Variants in DIAPH2 observed in about 807,000 individuals in gnomAD.
DIAPH2 encodes the protein diaphanous related formin 2.
DIAPH2 carries 35 observed loss-of-function variants against 92.7 expected under a neutral mutation model. The observed-to-expected ratio is 0.38, with a 90% CI of 0.29 to 0.50. DIAPH2 has a LOEUF of 0.50. Ranked by LOEUF, DIAPH2 falls within the 20% of genes least tolerant of loss-of-function variation. The pLI, the probability that DIAPH2 is intolerant of heterozygous loss-of-function variation, is 0.94. For synonymous variants in DIAPH2, 301 were observed against 280.4 expected, an observed-to-expected ratio of 1.07 and a Z score of -0.73; for missense variants, 701 against 819.5, an observed-to-expected ratio of 0.86 and a Z score of 1.77.
intron 26 of DIAPH2, among the ~76,000 whole-genome samples, chrX:97,495,316 T>C (rs1286085474): frequency 8.9e-6 from 1 of 112,289 alleles, no homozygotes; most frequent in African/African-American, 3.2e-5. Flanking sequence ...GAACAAGAGA[T>C]GGAACTTTCT....
intron 16 of DIAPH2, among the ~76,000 whole-genome samples, chrX:96,960,422 A>T (rs1179900065): frequency 9.0e-6 from 1 of 110,925 alleles, no homozygotes; most frequent in South Asian, 3.8e-4. Flanking sequence ...TTGTTCAGCT[A>T]TAGAAACATT....
intron 26 of DIAPH2, among the ~76,000 whole-genome samples, chrX:97,460,747 T>G (rs2070451634): frequency 9.0e-6 from 1 of 111,025 alleles, no homozygotes; most frequent in South Asian, 3.8e-4. Context: ...TCCTTGTGGC[T>G]AAAAAAAATT....
chrX:96,801,543 A>G (rs1329058657), intron 4 of DIAPH2, among the ~76,000 whole-genome samples: 1 of 111,447 alleles, frequency 9.0e-6, no homozygotes, highest in Non-Finnish European at 1.9e-5. Flanking sequence ...ATAAAACATA[A>G]AGACTAACAG....
chrX:96,931,521 A>C (rs2147794207), intron 10 of DIAPH2, among the ~76,000 whole-genome samples: 1 of 110,962 alleles, frequency 9.0e-6, no homozygotes, highest in Admixed American at 9.7e-5. Flanking sequence ...AGACAAGTAA[A>C]ATTCTGCTAG....
At chrX:97,019,695 C>T (rs1330949000) in intron 17 of DIAPH2, among the ~76,000 whole-genome samples, 1 of 111,023 alleles carries the variant, frequency 9.0e-6, no homozygotes. Context: ...GAATAATCAT[C>T]CAAATAATTT....
chrX:97,033,590 A>G lies in DIAPH2; in HGVS notation c.2051-39351A>G, dbSNP rs770483237. ...AAGCAATAGAGAATGTCTAAATAGT[A>G]TAACAACATAAGTAAACACTTTCTT... On this transcript the variant is annotated intron_variant, in intron 17 of 26. Transcript: ENST00000324765. Among the ~76,000 whole-genome samples the G allele has an allele frequency of 1.1e-4, 12 of 112,251 alleles. No individual in the cohort carries two copies. In the East Asian group the frequency reaches 3.3e-3, roughly 31 times the overall value.
rs1023530409 is a variant in DIAPH2, at chrX:96,881,848, C to T, written c.587+130C>T. On this transcript the variant is annotated intron_variant, in intron 5 of 26. Coordinates refer to ENST00000324765, the MANE Select transcript of DIAPH2 (RefSeq NM_006729.5). ...TAAAAATCTGATGTTAATAAAACAG[C>T]AGCATCTGATTGTGAAGTCGTAAAC... 1.1e-5 allele frequency: 7 copies of T among 659,304 alleles called. No individual in the cohort carries two copies. The African/African-American group carries it at 1.6e-4, about 15-fold the overall frequency. The allele number at this position is 659,304 out of a possible 1,213,427, so 54.3% of individuals were successfully genotyped here.
At chrX:97,448,924 C>T (rs1391419512) in intron 26 of DIAPH2, among the ~76,000 whole-genome samples, 1 of 111,986 alleles carries the variant, frequency 8.9e-6, no homozygotes, top group Non-Finnish European at 1.9e-5. Context: ...ATCTTTTATG[C>T]TTTGACATTA....
rs1420277896 is a variant in DIAPH2 at position 96,944,777 on chromosome X, A to G, written c.1445-750A>G. 3.6e-5 allele frequency among the ~76,000 whole-genome samples: 4 copies of G among 111,455 alleles called. No homozygotes were observed. In the East Asian group the frequency reaches 1.1e-3, roughly 31 times the overall value. On this transcript the variant is annotated intron_variant, in intron 13 of 26. Transcript: ENST00000324765. ...TGGATATACCATAGTTTGTTTATGT[A>G]TACACTTGTTGATGGCCATTTAGGT...
chrX:97,168,589 A>C (rs949530932), intron 22 of DIAPH2, among the ~76,000 whole-genome samples: 8 of 111,944 alleles, frequency 7.1e-5, no homozygotes, highest in Admixed American at 5.7e-4. Context: ...TTAAAAAAAA[A>C]CCCTAGACTC....
At chrX:97,582,966 C>T (rs1369915931) in intron 26 of DIAPH2, among the ~76,000 whole-genome samples, 5 of 110,880 alleles carry the variant, frequency 4.5e-5, no homozygotes, top group East Asian at 2.9e-4. Context: ...TTGATCGCAT[C>T]GGCTCCTGAG....
chrX:96,727,918 C>A (rs1256825548), intron 1 of DIAPH2, among the ~76,000 whole-genome samples: 1 of 107,953 alleles, frequency 9.3e-6, no homozygotes, highest in African/African-American at 3.4e-5. Flanking sequence ...TGATGGCGGG[C>A]ACCTGTATCC....
chrX:97,502,831 C>T (rs1034805987), intron 26 of DIAPH2, among the ~76,000 whole-genome samples: 13 of 112,330 alleles, frequency 1.2e-4, no homozygotes, highest in African/African-American at 3.9e-4. Context: ...TTCAAGTAGG[C>T]GCTGAAATTC....
At chrX:97,279,356 G>A (rs2068477563) in intron 23 of DIAPH2, among the ~76,000 whole-genome samples, 1 of 103,273 alleles carries the variant, frequency 9.7e-6, no homozygotes, top group Non-Finnish European at 2.0e-5. Context: ...ACGCTGGAGT[G>A]CAGTGGCGCA....
intron 16 of DIAPH2, among the ~76,000 whole-genome samples, chrX:96,958,916 C>A (rs2065829903): frequency 9.0e-6 from 1 of 110,514 alleles, no homozygotes; most frequent in Non-Finnish European, 1.9e-5. Flanking sequence ...GGATTTCAGT[C>A]TTTTTTATAG....
intron 22 of DIAPH2, among the ~76,000 whole-genome samples, chrX:97,190,020 TAGAC>T (rs1206754662): frequency 3.5e-5 from 4 of 113,339 alleles, no homozygotes; most frequent in African/African-American, 6.4e-5. Context: ...CTCTTTCACA[TAGAC>T]AGTATCAAAA....
intron 25 of DIAPH2, among the ~76,000 whole-genome samples, chrX:97,399,828 GGA>G (rs2147747987): frequency 8.9e-6 from 1 of 112,267 alleles, no homozygotes; most frequent in East Asian, 2.8e-4. Flanking sequence ...AAAATCTTTT[GGA>G]AATGTAATGC....
At chrX:97,069,757 G>T (rs1235456604) in intron 17 of DIAPH2, among the ~76,000 whole-genome samples, 1 of 112,040 alleles carries the variant, frequency 8.9e-6, no homozygotes, top group East Asian at 2.8e-4. Context: ...TGTAAATCAT[G>T]CAATGTTGCC....
At chrX:97,493,861 T>G (rs1444714668) in intron 26 of DIAPH2, among the ~76,000 whole-genome samples, 1 of 107,585 alleles carries the variant, frequency 9.3e-6, no homozygotes, top group Non-Finnish European at 1.9e-5. Context: ...CACTCTAGTC[T>G]GGGTGACAGA....
Sources: allele counts gnomAD v4.1 joint callset (sites outside exome capture counted in the v4.1 genomes callset), GRCh38; gene constraint gnomAD v4.1.1; transcripts MANE v1.5; gene names NCBI Gene and HGNC (gene_info 2026-07-23, HGNC 2026-07-21).